GADL1: variants seen among roughly 807,000 people sequenced by gnomAD.
GADL1 encodes GAD like acidic amino acid decarboxylase 1.
GADL1 carries 71 observed loss-of-function variants against 69.5 expected under a neutral mutation model. That is an observed-to-expected ratio of 1.02 (90% confidence interval 0.84 to 1.25). The LOEUF (loss-of-function observed/expected upper bound fraction) is 1.25, where lower values mean the gene tolerates loss of function less well. GADL1 is among the 50% of genes most tolerant of loss of function. The pLI, the probability that GADL1 is intolerant of heterozygous loss-of-function variation, is 0.00. For synonymous variants in GADL1, 254 were observed against 214.4 expected (o/e 1.18, Z -1.62); for missense variants, 737 against 631.8 (o/e 1.17, Z -1.79).
intron 2 of GADL1, among the ~76,000 whole-genome samples, chr3:30,859,215 G>A (rs973221027): frequency 6.6e-6 from 1 of 151,846 alleles, no homozygotes; most frequent in African/African-American, 2.4e-5. Flanking sequence ...TAGCCAGGGA[G>A]TGAAAAGACT....
chr3:30,734,057 G>A lies in GADL1; in HGVS notation c.1393-5642C>T, dbSNP rs868365315. On this transcript the variant is annotated intron_variant, in intron 14 of 14. Transcript: ENST00000282538. ...AGAGTCTTGAATGCCAGCTTCTGCA[G>A]ATGTGAAAAGTTAGACATGTGAGAA... Among the ~76,000 whole-genome samples, 7 of 152,290 alleles carry A rather than the reference G, an allele frequency of 4.6e-5. No individual in the cohort carries two copies. The South Asian group carries it at 1.5e-3, about 32-fold the overall frequency.
chr3:30,851,168 G>A (rs1698140824), intron 4 of GADL1, among the ~76,000 whole-genome samples: 1 of 152,152 alleles, frequency 6.6e-6, no homozygotes, highest in Non-Finnish European at 1.5e-5. Context: ...AGTTGCTGCA[G>A]CAGTCTTTCG....
chr3:30,770,531 T>A (rs917020554), intron 14 of GADL1, among the ~76,000 whole-genome samples: 1 of 152,158 alleles, frequency 6.6e-6, no homozygotes, highest in African/African-American at 2.4e-5. Context: ...CTTGGCCTCA[T>A]CTCCCATGAC....
intron 12 of GADL1, among the ~76,000 whole-genome samples, chr3:30,791,795 G>T (rs1320672044): frequency 6.6e-6 from 1 of 152,082 alleles, no homozygotes; most frequent in Non-Finnish European, 1.5e-5. Context: ...CTGGTAGGAG[G>T]TAATTGAATC....
intron 12 of GADL1, among the ~76,000 whole-genome samples, chr3:30,793,525 T>C (rs2125503127): frequency 6.6e-6 from 1 of 152,260 alleles, no homozygotes; most frequent in Non-Finnish European, 1.5e-5. Context: ...TGAAACTCTT[T>C]GTCCTTTCCA....
At chr3:30,770,899 T>C (rs971508597) in intron 14 of GADL1, among the ~76,000 whole-genome samples, 1 of 152,218 alleles carries the variant, frequency 6.6e-6, no homozygotes, top group Non-Finnish European at 1.5e-5. Flanking sequence ...TCTGGAGAGT[T>C]CAAGTTACTA....
intron 14 of GADL1, among the ~76,000 whole-genome samples, chr3:30,748,063 T>C (rs1187307683): frequency 6.6e-6 from 1 of 152,214 alleles, no homozygotes; most frequent in Non-Finnish European, 1.5e-5. Flanking sequence ...TCAACAGTGA[T>C]GAAAAGTCCA....
intron 13 of GADL1, among the ~76,000 whole-genome samples, chr3:30,783,226 G>T (rs1394374700): frequency 6.6e-6 from 1 of 151,874 alleles, no homozygotes; most frequent in African/African-American, 2.4e-5. Flanking sequence ...AGAAAAAGTT[G>T]AATAATTAGG....
At chr3:30,875,549 C>T (rs1559367159) in intron 1 of GADL1, among the ~76,000 whole-genome samples, 5 of 152,016 alleles carry the variant, frequency 3.3e-5, no homozygotes, top group South Asian at 2.1e-4. Flanking sequence ...ACACAACATA[C>T]AATAGTCATG....
intron 11 of GADL1, among the ~76,000 whole-genome samples, chr3:30,831,500 C>T (rs1697792424): frequency 6.6e-6 from 1 of 151,896 alleles, no homozygotes; most frequent in South Asian, 2.1e-4. Context: ...TTAATTTTAA[C>T]CACTTGATAT....
intron 1 of GADL1, among the ~76,000 whole-genome samples, chr3:30,879,254 A>G (rs1455314227): frequency 1.3e-5 from 2 of 151,928 alleles, no homozygotes; most frequent in Non-Finnish European, 2.9e-5. Flanking sequence ...TGGTGATGGT[A>G]TAGACATTTC....
intron 8 of GADL1, among the ~76,000 whole-genome samples, chr3:30,841,938 A>G (rs2125527519): frequency 6.6e-6 from 1 of 152,296 alleles, no homozygotes; most frequent in South Asian, 2.1e-4. Context: ...AGAAAATATA[A>G]AGAACAAACC....
chr3:30,762,189 C>T (rs1696153783), intron 14 of GADL1, among the ~76,000 whole-genome samples: 1 of 152,130 alleles, frequency 6.6e-6, no homozygotes, highest in South Asian at 2.1e-4. Flanking sequence ...AGGCCTCTAA[C>T]AGTGAAGAGA....
chr3:30,849,905 A>G (rs1017945128), intron 6 of GADL1, 91 bp downstream of exon 6: 1 of 748,556 alleles, frequency 1.3e-6, no homozygotes, highest in Non-Finnish European at 2.3e-6. Flanking sequence ...ACATGGGTAT[A>G]GGACAAAATC....
chr3:30,846,354 A>C (rs1325653804), intron 6 of GADL1, among the ~76,000 whole-genome samples: 1 of 152,178 alleles, frequency 6.6e-6, no homozygotes, highest in African/African-American at 2.4e-5. Flanking sequence ...CATTTCTATA[A>C]AGATAAAATA....
At chr3:30,734,408 GA>G (rs1246449828) in intron 14 of GADL1, among the ~76,000 whole-genome samples, 1 of 152,112 alleles carries the variant, frequency 6.6e-6, no homozygotes, top group Middle Eastern at 3.2e-3. Flanking sequence ...CTGTAAATAT[GA>G]ACTGGATTTT....
chr3:30,766,221 T>C (rs967031981), intron 14 of GADL1, among the ~76,000 whole-genome samples: 17 of 152,084 alleles, frequency 1.1e-4, no homozygotes, highest in African/African-American at 3.6e-4. Flanking sequence ...GGTGGTAGAA[T>C]ATAGGCACAA....
At chr3:30,770,523 T>C (rs560344998) in intron 14 of GADL1, among the ~76,000 whole-genome samples, 1 of 152,328 alleles carries the variant, frequency 6.6e-6, no homozygotes, top group South Asian at 2.1e-4. Flanking sequence ...CTGTGTTCCT[T>C]GGCCTCATCT....
At chr3:30,833,757 G>A (rs146220074) in intron 11 of GADL1, 96 bp downstream of exon 11, 155 of 791,940 alleles carry the variant, frequency 2.0e-4, no homozygotes, top group African/African-American at 1.7e-3. Flanking sequence ...TTTACGCCTC[G>A]CCCAAGTCAC....
Sources: gnomAD v4.1 joint callset for allele counts (sites outside exome capture counted in the v4.1 genomes callset) on GRCh38, gnomAD v4.1.1 for gene constraint, MANE v1.5 for transcripts, NCBI Gene and HGNC (gene_info 2026-07-23, HGNC 2026-07-21) for gene names.